The following AGBL4 variants were observed in gnomAD, a reference collection of about 807,000 sequenced individuals.
AGBL4 encodes AGBL carboxypeptidase 4.
AGBL4 carries 58 observed loss-of-function variants against 66.4 expected under a neutral mutation model. That is an observed-to-expected ratio of 0.87 (90% CI 0.71 to 1.09). AGBL4 has a LOEUF of 1.09. Ranked by LOEUF, AGBL4 falls within the 50% of genes least tolerant of loss-of-function variation. The pLI is 0.00. For missense variants in AGBL4, 579 were observed against 631.0 expected (o/e 0.92, Z 0.88); for synonymous variants, 234 against 222.9 (o/e 1.05, Z -0.44).
At chr1:48,870,206 A>G (rs1648510657) in intron 5 of AGBL4, among the ~76,000 whole-genome samples, 1 of 151,974 alleles carries the variant, frequency 6.6e-6, no homozygotes, top group Non-Finnish European at 1.5e-5. Context: ...CATCTTGCAA[A>G]GCCTATCTCA....
At chr1:48,693,989 C>T (rs998512726) in intron 6 of AGBL4, among the ~76,000 whole-genome samples, 1 of 151,186 alleles carries the variant, frequency 6.6e-6, no homozygotes, top group Non-Finnish European at 1.5e-5. Context: ...GACCCACAAG[C>T]CCTTCTTACG....
intron 6 of AGBL4, among the ~76,000 whole-genome samples, chr1:48,796,060 A>T (rs1356237251): frequency 6.6e-6 from 1 of 152,260 alleles, no homozygotes; most frequent in South Asian, 2.1e-4. Flanking sequence ...TGGTGCCTTC[A>T]GTGGGTCAAC....
intron 4 of AGBL4, among the ~76,000 whole-genome samples, chr1:49,092,128 C>T (rs540445509): frequency 5.1e-4 from 77 of 152,122 alleles, no homozygotes; most frequent in African/African-American, 1.6e-3. Flanking sequence ...CCCCACAACA[C>T]GCAATTTACC....
At chr1:49,005,604 T>C (rs1193489168) in intron 5 of AGBL4, among the ~76,000 whole-genome samples, 1 of 152,240 alleles carries the variant, frequency 6.6e-6, no homozygotes, top group Non-Finnish European at 1.5e-5. Flanking sequence ...CTGTTAGATA[T>C]TGTTGTTAAT....
intron 6 of AGBL4, among the ~76,000 whole-genome samples, chr1:48,799,152 G>A (rs1645756313): frequency 6.6e-6 from 1 of 152,110 alleles, no homozygotes; most frequent in Non-Finnish European, 1.5e-5. Flanking sequence ...CCATTAACAT[G>A]GGATGTGTTT....
At chr1:48,816,582 C>A (rs1646183613) in intron 6 of AGBL4, among the ~76,000 whole-genome samples, 1 of 152,126 alleles carries the variant, frequency 6.6e-6, no homozygotes, top group Non-Finnish European at 1.5e-5. Context: ...CAGCCTGTAA[C>A]CCTCAGGTTT....
At chr1:49,666,232 T>C (rs1646364782) in intron 3 of AGBL4, among the ~76,000 whole-genome samples, 2 of 152,082 alleles carry the variant, frequency 1.3e-5, no homozygotes, top group Non-Finnish European at 1.5e-5. Context: ...ATTCAACAAA[T>C]GTTCATTGAA....
intron 1 of AGBL4, among the ~76,000 whole-genome samples, chr1:49,942,038 T>C (rs1481565237): frequency 6.6e-6 from 1 of 152,000 alleles, no homozygotes; most frequent in Non-Finnish European, 1.5e-5. Flanking sequence ...AATCAACATA[T>C]GAAAATCAGT....
chr1:49,972,429 A>AT (rs1405008242), intron 1 of AGBL4, among the ~76,000 whole-genome samples: 2 of 152,006 alleles, frequency 1.3e-5, no homozygotes, highest in African/African-American at 4.8e-5. Context: ...GGTATTTGAT[A>AT]TTTTGTTTTC....
At chr1:48,760,442 G>A (rs996538626) in intron 6 of AGBL4, among the ~76,000 whole-genome samples, 3 of 152,214 alleles carry the variant, frequency 2.0e-5, no homozygotes, top group East Asian at 3.8e-4. Flanking sequence ...CTGATATTGT[G>A]TTACATGACA....
At chr1:49,657,770 T>C (rs1297254725) in intron 3 of AGBL4, among the ~76,000 whole-genome samples, 1 of 152,204 alleles carries the variant, frequency 6.6e-6, no homozygotes, top group Non-Finnish European at 1.5e-5. Context: ...GGATTCCCTA[T>C]TTAATAAATG....
intron 3 of AGBL4, among the ~76,000 whole-genome samples, chr1:49,679,589 A>G (rs1233679290): frequency 6.6e-6 from 1 of 152,032 alleles, no homozygotes; most frequent in East Asian, 1.9e-4. Flanking sequence ...TTAGGGCTTG[A>G]TTCTATAATT....
intron 11 of AGBL4, among the ~76,000 whole-genome samples, chr1:48,563,942 T>C (rs1241878345): frequency 6.6e-6 from 1 of 152,172 alleles, no homozygotes; most frequent in Non-Finnish European, 1.5e-5. Flanking sequence ...GATTTGTCTG[T>C]CGAAAGTCAA....
intron 5 of AGBL4, among the ~76,000 whole-genome samples, chr1:48,971,162 A>C (rs985494927): frequency 1.3e-5 from 2 of 152,164 alleles, no homozygotes; most frequent in Admixed American, 1.3e-4. Flanking sequence ...GAACCAGGCA[A>C]TACAGCAGGA....
intron 3 of AGBL4, among the ~76,000 whole-genome samples, chr1:49,274,208 T>C (rs568728897): frequency 2.0e-5 from 3 of 152,220 alleles, no homozygotes; most frequent in Non-Finnish European, 2.9e-5. Flanking sequence ...ATCTTTGATA[T>C]TTGACATACT....
At chr1:48,872,903 C>T (rs1214209258) in intron 5 of AGBL4, among the ~76,000 whole-genome samples, 2 of 152,146 alleles carry the variant, frequency 1.3e-5, no homozygotes, top group East Asian at 3.9e-4. Context: ...AACGGGGGAG[C>T]AACAGGCAGA....
At chr1:49,730,177 C>T (rs533442594) in intron 2 of AGBL4, among the ~76,000 whole-genome samples, 98 of 152,184 alleles carry the variant, frequency 6.4e-4, no homozygotes, top group Middle Eastern at 6.8e-3. Flanking sequence ...CTCTTGTTGT[C>T]GAGAGCTTTC....
Position 49,276,250 on chromosome 1 carries a change from G to T in AGBL4, c.283-30386C>A, listed in dbSNP as rs145374483. The stretch of plus-strand genomic sequence containing the variant: ...AGACTGATTTAAAAAGCCATGAGAT[G>T]ATATATTTAAATTTACTCTTTTCTG... On this transcript the variant is annotated intron_variant, in intron 3 of 13. Coordinates refer to ENST00000371839, the MANE Select transcript of AGBL4 (RefSeq NM_032785.4). Among the ~76,000 whole-genome samples the T allele has an allele frequency of 1.1e-3, 173 of 152,052 alleles. 1 individual carries two copies. The highest frequency in any genetic ancestry group is 4.1e-3 in the African/African-American group (170 of 41,476).
intron 3 of AGBL4, among the ~76,000 whole-genome samples, chr1:49,281,949 C>T (rs1323897261): frequency 6.6e-6 from 1 of 152,206 alleles, no homozygotes; most frequent in African/African-American, 2.4e-5. Flanking sequence ...GCTGTGGAAA[C>T]TGCCAATTTA....
Sources: gnomAD v4.1 joint callset for allele counts (sites outside exome capture counted in the v4.1 genomes callset) on GRCh38, gnomAD v4.1.1 for gene constraint, MANE v1.5 for transcripts, NCBI Gene and HGNC (gene_info 2026-07-23, HGNC 2026-07-21) for gene names.